The following CYP7B1 variants were observed in gnomAD, a reference collection of about 807,000 sequenced individuals.
CYP7B1 encodes cytochrome P450 7B1.
A neutral mutation model predicts 42.7 loss-of-function variants in CYP7B1; 29 were observed. That is an observed-to-expected ratio of 0.68 (90% CI 0.51 to 0.93). The LOEUF is 0.93. Ranked by LOEUF, CYP7B1 falls within the 40% of genes least tolerant of loss-of-function variation. The probability of loss-of-function intolerance (pLI) is 0.00; values close to 1 mark genes in which losing one functional copy is unlikely to be tolerated. For missense variants in CYP7B1, 655 were observed against 600.5 expected, an observed-to-expected ratio of 1.09 and a Z score of -0.95; for synonymous variants, 235 against 218.2, an observed-to-expected ratio of 1.08 and a Z score of -0.68.
Position 64,591,477 on chromosome 8 carries a change from G to A in CYP7B1, c.*5165C>T, listed in dbSNP as rs1019692745. Among the ~76,000 whole-genome samples, 2 of 152,080 alleles carry A rather than the reference G, an allele frequency of 1.3e-5. No individual in the cohort carries two copies. Among genetic ancestry groups the A allele is most frequent in the East Asian group, 1.9e-4 (1 of 5,204 alleles). On this transcript the variant is annotated 3_prime_UTR_variant, in exon 6 of 6. Transcript: ENST00000310193. Reference sequence around the variant, plus strand: ...TAATTATTGCCATTCTTTTATACTAGGATCAAACACTAGATAAATGTTGTG... The same window carrying A: ...TAATTATTGCCATTCTTTTATACTAAGATCAAACACTAGATAAATGTTGTG...
At chr8:64,650,507 G>A (rs538981175) in intron 1 of CYP7B1, among the ~76,000 whole-genome samples, 11 of 152,180 alleles carry the variant, frequency 7.2e-5, no homozygotes, top group African/African-American at 2.6e-4. Context: ...AATTAGCTGG[G>A]CATGGTGGCA....
intron 1 of CYP7B1, among the ~76,000 whole-genome samples, chr8:64,758,479 C>G (rs1486400395): frequency 2.0e-5 from 3 of 152,092 alleles, no homozygotes; most frequent in African/African-American, 7.2e-5. Flanking sequence ...GTTTTCTCAT[C>G]TATCAAACAG....
chr8:64,657,400 T>C (rs4382514), intron 1 of CYP7B1, among the ~76,000 whole-genome samples: 75,731 of 151,966 alleles, frequency 0.5, 20,235 homozygotes, highest in Non-Finnish European at 0.58. Context: ...CTCTTCAACA[T>C]CCCCAGGAGG....
At chr8:64,718,472 C>T (rs1201211511) in intron 1 of CYP7B1, among the ~76,000 whole-genome samples, 1 of 152,192 alleles carries the variant, frequency 6.6e-6, no homozygotes, top group Non-Finnish European at 1.5e-5. Context: ...GAATCCAGCA[C>T]CCAAGGGGAC....
chr8:64,698,608 C>T (rs2356988), intron 1 of CYP7B1, among the ~76,000 whole-genome samples: 11 of 152,044 alleles, frequency 7.2e-5, no homozygotes, highest in Non-Finnish European at 1.2e-4. Context: ...ATTCAATATG[C>T]GAGATGATAT....
chr8:64,624,118 A>T (rs1805571597), intron 2 of CYP7B1, among the ~76,000 whole-genome samples: 1 of 151,918 alleles, frequency 6.6e-6, no homozygotes, highest in Non-Finnish European at 1.5e-5. Flanking sequence ...TTATATATAT[A>T]TATTTTTTTT....
At chr8:64,791,975 TA>T (rs1254243675) in intron 1 of CYP7B1, among the ~76,000 whole-genome samples, 6 of 152,102 alleles carry the variant, frequency 3.9e-5, no homozygotes, top group African/African-American at 7.2e-5. Context: ...GAACATATCT[TA>T]AAAAATAGTT....
intron 1 of CYP7B1, among the ~76,000 whole-genome samples, chr8:64,711,769 T>C: frequency 6.6e-6 from 1 of 152,194 alleles, no homozygotes; most frequent in East Asian, 1.9e-4. Context: ...ATTTTCCAAA[T>C]AAGTCTTGCT....
chr8:64,616,062 T>A lies in CYP7B1; in HGVS notation c.479A>T (p.Asn160Ile), dbSNP rs1805440452. The change falls in exon 3 of 6, where the codon AAT becomes ATT. Residue 160 changes from asparagine (N) to isoleucine (I), a missense_variant. Physicochemically the swap from Asn to Ile is moderately radical, Grantham distance 149. Transcript: ENST00000310193. ...CTGGGGTTCAAAAACTTGTTTTAGA[T>A]TCTGCATCATGCTTTCCAAGAGTAT... ...LDILLESMMQ[N>I]LKQVFEPQLL... 1 of 1,613,694 alleles carries A rather than the reference T, an allele frequency of 6.2e-7. No individual in the cohort carries two copies. The highest frequency in any genetic ancestry group is 1.3e-5 in the African/African-American group (1 of 74,918).
rs117616984 is a variant in CYP7B1, at chr8:64,772,604, G to A, written c.122+25862C>T. ...ACAGTTTTCTTATGCACACACAGGC[G>A]CACACGCACACACACATCCTGTTGG... On this transcript the variant is annotated intron_variant, in intron 1 of 5. Transcript: ENST00000310193. 2.2e-4 allele frequency among the ~76,000 whole-genome samples: 34 copies of A among 152,114 alleles called. No homozygotes were observed. The East Asian group carries it at 5.8e-3, about 26-fold the overall frequency.
At chr8:64,784,916 C>T (rs1190177048) in intron 1 of CYP7B1, among the ~76,000 whole-genome samples, 1 of 152,074 alleles carries the variant, frequency 6.6e-6, no homozygotes, top group Non-Finnish European at 1.5e-5. Context: ...TTCTCTTCTG[C>T]AAGGACACTG....
intron 1 of CYP7B1, among the ~76,000 whole-genome samples, chr8:64,635,343 G>C (rs1462316397): frequency 6.6e-6 from 1 of 152,172 alleles, no homozygotes; most frequent in East Asian, 1.9e-4. Context: ...GTATGTGATT[G>C]ACATCTGGTG....
chr8:64,780,296 C>T (rs1182294074), intron 1 of CYP7B1, among the ~76,000 whole-genome samples: 1 of 152,054 alleles, frequency 6.6e-6, no homozygotes, highest in Admixed American at 6.6e-5. Flanking sequence ...ATTCTTCTAA[C>T]AAATATTCAC....
chr8:64,688,924 T>C (rs1806697523), intron 1 of CYP7B1, among the ~76,000 whole-genome samples: 1 of 152,100 alleles, frequency 6.6e-6, no homozygotes, highest in Admixed American at 6.5e-5. Context: ...AGACCCCATC[T>C]CAAAAATATA....
At chr8:64,753,619 G>C (rs895643912) in intron 1 of CYP7B1, among the ~76,000 whole-genome samples, 1 of 152,144 alleles carries the variant, frequency 6.6e-6, no homozygotes, top group Non-Finnish European at 1.5e-5. Flanking sequence ...CAAGACTCTC[G>C]CCCTCATGAG....
At chr8:64,623,109 T>C (rs1307941340) in intron 2 of CYP7B1, among the ~76,000 whole-genome samples, 2 of 152,180 alleles carry the variant, frequency 1.3e-5, no homozygotes, top group Admixed American at 6.6e-5. Context: ...AAACTGATGT[T>C]GAAGATTGTA....
At chr8:64,622,420 T>C (rs978750483) in intron 2 of CYP7B1, among the ~76,000 whole-genome samples, 12 of 151,982 alleles carry the variant, frequency 7.9e-5, no homozygotes, top group Admixed American at 7.9e-4. Context: ...AGGGGGAGTA[T>C]AGAGAGTAAA....
intron 4 of CYP7B1, among the ~76,000 whole-genome samples, chr8:64,609,549 T>C (rs777672857): frequency 6.6e-6 from 1 of 152,196 alleles, no homozygotes. Flanking sequence ...AGAGATGATA[T>C]GGTGTTTAGC....
In CYP7B1 at chr8:64,730,751, G is replaced by GCACACACACACACACACACACA. The variant is rs61050207; in HGVS notation, c.122+67693_122+67714dup. 1.5e-3 allele frequency among the ~76,000 whole-genome samples: 209 copies of GCACACACACACACACACACACA among 142,962 alleles called. 3 individuals carry two copies. Among genetic ancestry groups the GCACACACACACACACACACACA allele is most frequent in the African/African-American group, 5.5e-3 (204 of 37,390 alleles). 93.8% of individuals were successfully genotyped at this position (142,962 alleles called of 152,430 possible). On this transcript the variant is annotated intron_variant, in intron 1 of 5. Transcript: ENST00000310193. ...GAACCCTGTGAAGCAAGGACTGTCT[G>GCACACACACACACACACACACA]CACACACACACACACACACACACAC...
Sources: allele counts gnomAD v4.1 joint callset (sites outside exome capture counted in the v4.1 genomes callset), GRCh38; gene constraint gnomAD v4.1.1; transcripts MANE v1.5; gene names NCBI Gene and HGNC (gene_info 2026-07-23, HGNC 2026-07-21).